The following MALAT1 variants were observed in gnomAD, a reference collection of about 807,000 sequenced individuals.
The protein encoded by MALAT1 is metastasis associated lung adenocarcinoma transcript 1.
exon 3 of MALAT1, chr11:65,501,998 A>G (rs762868214): frequency 5.8e-6 from 3 of 513,550 alleles, no homozygotes; most frequent in South Asian, 4.3e-5. Flanking sequence ...ATCAACTTCC[A>G]AGTTGGCAAG....
exon 3 of MALAT1, chr11:65,501,730 G>A (rs778458433): frequency 1.9e-6 from 1 of 519,000 alleles, no homozygotes; most frequent in South Asian, 1.4e-5. Context: ...ACAGCACAGT[G>A]CAGCTTTGGT....
At chr11:65,503,725 T>G (rs763315260) in exon 3 of MALAT1, 90 of 517,362 alleles carry the variant, frequency 1.7e-4, no homozygotes, top group Non-Finnish European at 3.1e-4. Context: ...CTCTAATCTT[T>G]CAGAAACTTT....
intron 3 of MALAT1, chr11:65,505,469 G>C (rs368325028): frequency 8.0e-5 from 41 of 512,718 alleles, no homozygotes; most frequent in African/African-American, 6.6e-4. Flanking sequence ...TGAAGGGGAG[G>C]GAAAGGGGGA....
chr11:65,499,147 C>T (rs11540798), exon 3 of MALAT1: 2 of 514,106 alleles, frequency 3.9e-6, no homozygotes, highest in African/African-American at 1.9e-5. Context: ...GAGATTAATA[C>T]AACTACTTAA....
chr11:65,504,311 T>C lies in MALAT1; in HGVS notation n.5168+406T>C, dbSNP rs376975870. On this transcript the variant is annotated intron_variant and non_coding_transcript_variant, in intron 3 of 3. Transcript: ENST00000619449. ...GGGTGGGGCTTACTTGTTGTAGCTTTTTTTTTTTTTACAGACTTCACAGAG... is the reference window on the plus strand; with the variant it reads ...GGGTGGGGCTTACTTGTTGTAGCTTCTTTTTTTTTTACAGACTTCACAGAG... The C allele has an allele frequency of 2.1e-3, 1,036 of 488,904 alleles. 2 individuals carry two copies. The highest frequency in any genetic ancestry group is 0.015 in the South Asian group (971 of 65,734). The allele number at this position is 488,904 out of a possible 1,614,324, so 30.3% of individuals were successfully genotyped here.
chr11:65,503,944 T>A (rs1232076845), intron 3 of MALAT1: 4 of 515,576 alleles, frequency 7.8e-6, no homozygotes, highest in Non-Finnish European at 1.5e-5. Context: ...AATTACACAT[T>A]TTATTTCCAG....
exon 3 of MALAT1, chr11:65,499,948 A>G: frequency 2.3e-6 from 1 of 432,446 alleles, no homozygotes; most frequent in South Asian, 1.7e-5. Flanking sequence ...TAGAAGATAG[A>G]AAAATATAAA....
chr11:65,504,293 GCTTA>G (rs768959029), intron 3 of MALAT1: 4 of 506,246 alleles, frequency 7.9e-6, no homozygotes, highest in South Asian at 2.9e-5. Context: ...AGGGGGTGGG[GCTTA>G]CTTGTTGTAG....
At chr11:65,502,052 G>A (rs966112913) in exon 3 of MALAT1, 2 of 517,198 alleles carry the variant, frequency 3.9e-6, no homozygotes, top group Admixed American at 3.9e-5. Flanking sequence ...TTTGAATTGG[G>A]AAGCTGGGGG....
At chr11:65,499,033 G>T (rs1301258702) in exon 3 of MALAT1, 2 of 518,644 alleles carry the variant, frequency 3.9e-6, no homozygotes, top group East Asian at 1.1e-4. Context: ...CGCCTCGCCC[G>T]AGCTGTGCGG....
At chr11:65,498,557 T>C (rs767598913) in intron 1 of MALAT1, 66 of 518,616 alleles carry the variant, frequency 1.3e-4, no homozygotes, top group Non-Finnish European at 2.0e-4. Flanking sequence ...GTCGCAGGAC[T>C]GCAAGCAGTT....
chr11:65,498,227 A>G (rs185591817), intron 1 of MALAT1: 2 of 518,874 alleles, frequency 3.9e-6, no homozygotes, highest in Admixed American at 3.9e-5. Context: ...TAGTTGGTCT[A>G]CTTTAAAAGG....
At chr11:65,503,567 T>C in exon 3 of MALAT1, 1 of 517,516 alleles carries the variant, frequency 1.9e-6, no homozygotes, top group Non-Finnish European at 3.9e-6. Context: ...CATGTTGTGA[T>C]GTAAATTGTG....
At chr11:65,500,584 TA>T (rs752560298) in exon 3 of MALAT1, 1 of 518,814 alleles carries the variant, frequency 1.9e-6, no homozygotes, top group Non-Finnish European at 3.8e-6. Flanking sequence ...GAAGGAGCGC[TA>T]ACGATTTGGT....
exon 3 of MALAT1, chr11:65,500,688 G>C (rs745890060): frequency 3.9e-6 from 2 of 519,024 alleles, no homozygotes; most frequent in Non-Finnish European, 3.8e-6. Context: ...CACGGAGGAG[G>C]CGAGCAGGCG....
chr11:65,504,460 C>T (rs1353816618), intron 3 of MALAT1: 3 of 518,712 alleles, frequency 5.8e-6, no homozygotes, highest in Admixed American at 3.9e-5. Context: ...GTTGTGTTCC[C>T]CAATGCTTGG....
chr11:65,503,953 A>G (rs761202461), intron 3 of MALAT1: 2 of 515,680 alleles, frequency 3.9e-6, no homozygotes, highest in Non-Finnish European at 7.7e-6. Context: ...TTTTATTTCC[A>G]GAAAGTCAGG....
chr11:65,498,382 C>T (rs760396788), intron 1 of MALAT1: 6 of 518,304 alleles, frequency 1.2e-5, no homozygotes, highest in Non-Finnish European at 2.3e-5. Flanking sequence ...GGGCCACTGG[C>T]AGCCAACGGC....
intron 3 of MALAT1, chr11:65,505,329 C>T (rs368417188): frequency 7.7e-6 from 4 of 518,760 alleles, no homozygotes; most frequent in African/African-American, 7.7e-5. Context: ...TGAGGACTTG[C>T]CTCAACTCCC....
Sources: gnomAD v4.1 joint callset for allele counts on GRCh38, gnomAD v4.1.1 for gene constraint, MANE v1.5 for transcripts, NCBI Gene and HGNC (gene_info 2026-07-23, HGNC 2026-07-21) for gene names.